Variants in DGLUCY observed in about 807,000 individuals in gnomAD.
DGLUCY encodes the protein D-glutamate cyclase, also known as D-glutamate cyclase, mitochondrial.
A neutral mutation model predicts 58.5 loss-of-function variants in DGLUCY; 58 were observed. The observed-to-expected ratio is 0.99, with a 90% CI of 0.80 to 1.23. DGLUCY has a LOEUF of 1.23. Among genes scored for constraint, DGLUCY ranks in the 50% most tolerant of loss-of-function variants. DGLUCY has a pLI of 0.00. For missense variants in DGLUCY, 779 were observed against 784.7 expected (o/e 0.99, Z 0.09); for synonymous variants, 325 against 314.1 (o/e 1.03, Z -0.37).
chr14:91,211,657 T>C (rs980551515), intron 12 of DGLUCY, among the ~76,000 whole-genome samples: 9 of 152,342 alleles, frequency 5.9e-5, no homozygotes, highest in Admixed American at 4.6e-4. Flanking sequence ...TCTAGACATA[T>C]AGACGTTACA....
At chr14:91,073,249 T>A (rs2043953545) in intron 1 of DGLUCY, among the ~76,000 whole-genome samples, 1 of 152,192 alleles carries the variant, frequency 6.6e-6, no homozygotes, top group East Asian at 1.9e-4. Flanking sequence ...GAGACCAGCC[T>A]GGGCAACATG....
chr14:91,173,235 G>T, intron 5 of DGLUCY, 54 bp from the exon 6 acceptor site: 1 of 1,600,812 alleles, frequency 6.2e-7, no homozygotes. Context: ...GCTTGGATCT[G>T]TGCTAATTCC....
At chr14:91,210,554 T>G (rs1370468085) in intron 12 of DGLUCY, among the ~76,000 whole-genome samples, 1 of 152,002 alleles carries the variant, frequency 6.6e-6, no homozygotes, top group Non-Finnish European at 1.5e-5. Context: ...TAAAATAATT[T>G]TTTAATAAAA....
intron 1 of DGLUCY, among the ~76,000 whole-genome samples, chr14:91,061,493 T>C (rs924286756): frequency 2.0e-5 from 3 of 152,112 alleles, no homozygotes; most frequent in Admixed American, 2.0e-4. Flanking sequence ...AAAGCAGAAT[T>C]TGAAATAAAG....
intron 13 of DGLUCY, chr14:91,223,886 A>G (rs1321981908): frequency 3.0e-6 from 1 of 329,844 alleles, no homozygotes; most frequent in Non-Finnish European, 5.7e-6. Context: ...ACACTAAGGC[A>G]CAGAACAGTT....
In DGLUCY at chr14:91,199,821, A is replaced by T; in HGVS notation, c.1360A>T (p.Arg454Trp). 1 of 1,614,184 alleles carries T rather than the reference A, an allele frequency of 6.2e-7. No individual in the cohort carries two copies. Among genetic ancestry groups the T allele is most frequent in the South Asian group, 1.1e-5 (1 of 91,078 alleles). The change falls in exon 11 of 14, where the codon AGG becomes TGG. Residue 454 changes from arginine (R) to tryptophan (W), a missense_variant. Transcript: ENST00000256324. ...RAADGNYYNA[R>W]KMNIKHLVDP... ...TGCTGATGGCAATTACTACAATGCA[A>T]GGAAGATGAACATCAAGCACTTGGT...
intron 8 of DGLUCY, among the ~76,000 whole-genome samples, chr14:91,187,387 G>A (rs536264853): frequency 2.4e-4 from 36 of 152,176 alleles, no homozygotes; most frequent in Admixed American, 7.2e-4. Context: ...TTCAGCCACC[G>A]CCAGAGTAGA....
At chr14:91,198,989 A>G (rs996431853) in intron 10 of DGLUCY, among the ~76,000 whole-genome samples, 7 of 152,132 alleles carry the variant, frequency 4.6e-5, no homozygotes, top group Non-Finnish European at 7.3e-5. Flanking sequence ...TATCTAAAGA[A>G]GTTTATCTTT....
intron 13 of DGLUCY, among the ~76,000 whole-genome samples, chr14:91,222,937 G>C (rs772908782): frequency 6.6e-6 from 1 of 152,204 alleles, no homozygotes. Flanking sequence ...TGCTGAGTCC[G>C]CATGTGGTGG....
intron 1 of DGLUCY, among the ~76,000 whole-genome samples, chr14:91,122,454 AG>A (rs1223333666): frequency 6.6e-6 from 1 of 152,066 alleles, no homozygotes; most frequent in Admixed American, 6.6e-5. Context: ...TACCTTTAAA[AG>A]AAAAAAAGAA....
chr14:91,102,736 AGTGTGTAT>A (rs1166429006), intron 1 of DGLUCY, among the ~76,000 whole-genome samples: 21 of 60,810 alleles, frequency 3.5e-4, no homozygotes, highest in African/African-American at 9.5e-4. Context: ...GACCCCTTCC[AGTGTGTAT>A]GTGTGTGTGT....
At chr14:91,176,369 G>A (rs1183976262) in intron 7 of DGLUCY, among the ~76,000 whole-genome samples, 1 of 152,076 alleles carries the variant, frequency 6.6e-6, no homozygotes, top group Non-Finnish European at 1.5e-5. Flanking sequence ...GGGATTACAG[G>A]CATGTGCCAC....
chr14:91,170,081 G>A lies in DGLUCY; in HGVS notation c.336G>A (p.Glu112=). 6.2e-7 allele frequency: 1 copy of A among 1,612,724 alleles called. No homozygotes were observed. The part of the protein sequence containing the change: ...GSLASLEQYS[E]QLKDMVAFFL... ...TGGCTTCGCTGGAGCAGTACTCGGA[G>A]CAGCTGAAGGACATGGTGGCCTTCT... Residue 112 remains glutamate (E), a synonymous_variant, in exon 5 of 14, where the codon GAG becomes GAA. Transcript: ENST00000256324.
In DGLUCY at chr14:91,181,263, T is replaced by C. The variant is rs2049151219; in HGVS notation, c.808T>C (p.Cys270Arg). 1 of 1,614,180 alleles carries C rather than the reference T, an allele frequency of 6.2e-7. No homozygotes were observed. The highest frequency in any genetic ancestry group is 1.7e-5 in the Admixed American group (1 of 60,012). ...GAAGGATGCAAAGGCTCCACCTGGT[T>C]GTCTCACCCCAGAGAGAATTCCAGA... The part of the protein sequence containing the change: ...DLKDAKAPPG[C>R]LTPERIPEVH... The change falls in exon 8 of 14, where the codon TGT becomes CGT. Residue 270 changes from cysteine to arginine, a missense_variant. By Grantham distance (180) the Cys-to-Arg change is radical. Coordinates refer to ENST00000256324, the MANE Select transcript of DGLUCY (RefSeq NM_001102368.3).
At chr14:91,159,597 A>G (rs1258025717) in intron 2 of DGLUCY, among the ~76,000 whole-genome samples, 1 of 152,232 alleles carries the variant, frequency 6.6e-6, no homozygotes, top group Non-Finnish European at 1.5e-5. Flanking sequence ...TACTTTTAAA[A>G]ATCTACAATA....
upstream of DGLUCY, among the ~76,000 whole-genome samples, chr14:91,106,233 G>A (rs113989111): frequency 2.6e-5 from 4 of 151,892 alleles, no homozygotes; most frequent in South Asian, 4.2e-4. Flanking sequence ...GCTCGAACCC[G>A]GGAGGTGGAG....
chr14:91,074,415 G>A (rs2043985015), intron 1 of DGLUCY, among the ~76,000 whole-genome samples: 1 of 151,462 alleles, frequency 6.6e-6, no homozygotes, highest in African/African-American at 2.4e-5. Context: ...GGAGTTCGAG[G>A]CTGCAGTGAG....
At chr14:91,112,936 T>G (rs767102907), upstream of DGLUCY, among the ~76,000 whole-genome samples, 1 of 141,358 alleles carries the variant, frequency 7.1e-6, no homozygotes, top group Admixed American at 7.7e-5. Context: ...GAGGCGGAGA[T>G]TGCAGTGAGC....
chr14:91,125,115 A>G lies in DGLUCY; in HGVS notation c.-82+10832A>G, dbSNP rs993673855. Among the ~76,000 whole-genome samples the G allele has an allele frequency of 1.1e-4, 16 of 152,338 alleles. No homozygotes were observed. In the East Asian group the frequency reaches 3.1e-3, roughly 29 times the overall value. On this transcript the variant is annotated intron_variant, in intron 1 of 13. Coordinates refer to ENST00000256324, the MANE Select transcript of DGLUCY (RefSeq NM_001102368.3). ...TCCCATTCCAGCCAATGGAAACTGG[A>G]CACAGCAGTAGGGTGGACGAGTCAG...
Sources: allele counts gnomAD v4.1 joint callset (sites outside exome capture counted in the v4.1 genomes callset), GRCh38; gene constraint gnomAD v4.1.1; transcripts MANE v1.5; gene names NCBI Gene and HGNC (gene_info 2026-07-23, HGNC 2026-07-21).